MVB12B: variants seen among roughly 807,000 people sequenced by gnomAD.
MVB12B encodes multivesicular body subunit 12B.
A neutral mutation model predicts 41.6 loss-of-function variants in MVB12B; 16 were observed. The ratio of observed to expected loss-of-function variants is 0.38; its 90% CI spans 0.26 to 0.58. The LOEUF (loss-of-function observed/expected upper bound fraction) is 0.58, where lower values mean the gene tolerates loss of function less well. MVB12B is among the 20% of genes least tolerant of loss of function. The pLI, the probability that MVB12B is intolerant of heterozygous loss-of-function variation, is 0.62. For synonymous variants in MVB12B, 133 were observed against 139.7 expected (o/e 0.95, Z 0.34); for missense variants, 274 against 380.2 (o/e 0.72, Z 2.32).
intron 6 of MVB12B, among the ~76,000 whole-genome samples, chr9:126,418,308 A>G (rs996765092): frequency 1.3e-5 from 2 of 152,188 alleles, no homozygotes; most frequent in Non-Finnish European, 2.9e-5. Flanking sequence ...TATTGCATGG[A>G]GCAGCTGAAG....
chr9:126,465,402 T>C (rs1198343651), intron 7 of MVB12B, among the ~76,000 whole-genome samples: 1 of 151,818 alleles, frequency 6.6e-6, no homozygotes, highest in Non-Finnish European at 1.5e-5. Flanking sequence ...GGGTTGGGGG[T>C]GGCAGGCAGC....
chr9:126,447,427 A>G (rs542568808), intron 7 of MVB12B, among the ~76,000 whole-genome samples: 11 of 152,066 alleles, frequency 7.2e-5, no homozygotes, highest in African/African-American at 2.6e-4. Flanking sequence ...ATATTTATTT[A>G]TAAATACATA....
In MVB12B at chr9:126,503,433, CCTCA is replaced by C. The variant is rs762631224; in HGVS notation, c.*173_*176del. ...GTGGGCGCATCCTGTCTTCAGCTGG[CCTCA>C]CTGACACCCCGGCCTCCCTGGGGAC... On this transcript the variant is annotated 3_prime_UTR_variant, in exon 10 of 10. Coordinates refer to ENST00000361171, the MANE Select transcript of MVB12B (RefSeq NM_033446.3). 14 of 612,328 alleles carry C rather than the reference CCTCA, an allele frequency of 2.3e-5. No individual in the cohort carries two copies. Among genetic ancestry groups the C allele is most frequent in the African/African-American group, 3.7e-5 (2 of 54,066 alleles). 37.9% of individuals were successfully genotyped at this position (612,328 alleles called of 1,614,324 possible). A position where few individuals can be genotyped will look rare whatever the true frequency, so the allele number is the denominator to read the frequency against.
rs191708970 is a variant in MVB12B at position 126,480,222 on chromosome 9, C to T, written c.758-1147C>T. Reference sequence around the variant, plus strand: ...GACTTCGGGGCTCCGCGTCCCTGCACTCATGACCAGGCCCCTAACAACTGC... The same window carrying T: ...GACTTCGGGGCTCCGCGTCCCTGCATTCATGACCAGGCCCCTAACAACTGC... On this transcript the variant is annotated intron_variant, in intron 7 of 9. Transcript: ENST00000361171. The surrounding 1 kb of genome is among the most constrained non-coding windows in gnomAD (Gnocchi z 4.9). Among the ~76,000 whole-genome samples the T allele has an allele frequency of 2.0e-5, 3 of 152,350 alleles. No individual in the cohort carries two copies. The highest frequency in any genetic ancestry group is 1.9e-4 in the East Asian group (1 of 5,180).
At chr9:126,439,511 G>A (rs372342179) in intron 7 of MVB12B, among the ~76,000 whole-genome samples, 1 of 152,310 alleles carries the variant, frequency 6.6e-6, no homozygotes, top group East Asian at 1.9e-4. Flanking sequence ...CTCTGGTCTT[G>A]AAGGACATTT....
chr9:126,440,732 G>A (rs1451294538), intron 7 of MVB12B, among the ~76,000 whole-genome samples: 1 of 151,998 alleles, frequency 6.6e-6, no homozygotes, highest in Admixed American at 6.6e-5. Flanking sequence ...GGAAAAAAAA[G>A]AACCAGTGAG....
At chr9:126,455,312 C>A (rs1302531997) in intron 7 of MVB12B, among the ~76,000 whole-genome samples, 1 of 151,546 alleles carries the variant, frequency 6.6e-6, no homozygotes, top group African/African-American at 2.4e-5. Context: ...CTCAGCCTCC[C>A]GAGTAGATGG....
At chr9:126,455,887 C>CTTTTTTTTTT (rs3983803) in intron 7 of MVB12B, among the ~76,000 whole-genome samples, 15 of 103,034 alleles carry the variant, frequency 1.5e-4, no homozygotes, top group African/African-American at 3.2e-4. Flanking sequence ...TTCTTTCTTT[C>CTTTTTTTTTT]TTTTTTTTTT....
intron 2 of MVB12B, among the ~76,000 whole-genome samples, chr9:126,346,423 T>G (rs1045610772): frequency 6.6e-6 from 1 of 151,988 alleles, no homozygotes; most frequent in Non-Finnish European, 1.5e-5. Flanking sequence ...CAGGATGTCT[T>G]GCTGGCCATG....
At chr9:126,465,357 G>A (rs1296173556) in intron 7 of MVB12B, among the ~76,000 whole-genome samples, 12 of 152,128 alleles carry the variant, frequency 7.9e-5, no homozygotes, top group Admixed American at 5.2e-4. Context: ...GATCCCCAGA[G>A]CCCACCCCTC....
At chr9:126,456,413 TTTA>T (rs1832986699) in intron 7 of MVB12B, among the ~76,000 whole-genome samples, 1 of 152,250 alleles carries the variant, frequency 6.6e-6, no homozygotes. Context: ...CATAAAGTTA[TTTA>T]AATAAATTTT....
At chr9:126,373,816 A>G (rs1018086088) in intron 2 of MVB12B, among the ~76,000 whole-genome samples, 3 of 152,290 alleles carry the variant, frequency 2.0e-5, no homozygotes, top group African/African-American at 4.8e-5. Context: ...TATTTTTCTT[A>G]TAAAAGCTAT....
intron 9 of MVB12B, among the ~76,000 whole-genome samples, chr9:126,496,240 CTTACCCAACCATCCAT>C (rs1833831424): frequency 7.5e-6 from 1 of 133,848 alleles, no homozygotes; most frequent in Admixed American, 7.4e-5. Context: ...CATACACCCA[CTTACCCAACCATCCAT>C]CCACCTACCC....
chr9:126,342,932 G>A (rs1829488279), intron 2 of MVB12B, among the ~76,000 whole-genome samples: 1 of 152,198 alleles, frequency 6.6e-6, no homozygotes, highest in Non-Finnish European at 1.5e-5. Flanking sequence ...CTCTCTGTCT[G>A]TTGTAGCTGC....
rs995331926 is a variant in MVB12B, at chr9:126,376,608, C to A, written c.205-4456C>A. ...CTCAGTGTCCAGTGTTCAGGGGAGG[C>A]GGCTGGAAGCAAGAAGGAGGGTAAG... On this transcript the variant is annotated intron_variant, in intron 2 of 9. Transcript: ENST00000361171. The surrounding 1 kb of genome is among the most constrained non-coding windows in gnomAD (Gnocchi z 4.1). The A allele has an allele frequency of 1.4e-4, 185 of 1,289,266 alleles. No individual in the cohort carries two copies. Among genetic ancestry groups the A allele is most frequent in the Admixed American group, 5.7e-4 (25 of 43,552 alleles). The allele number at this position is 1,289,266 out of a possible 1,614,324, so 79.9% of individuals were successfully genotyped here. A position where few individuals can be genotyped will look rare whatever the true frequency, so the allele number is the denominator to read the frequency against.
chr9:126,360,687 G>T (rs1830006537), intron 2 of MVB12B, among the ~76,000 whole-genome samples: 2 of 152,172 alleles, frequency 1.3e-5, no homozygotes, highest in Admixed American at 1.3e-4. Context: ...TAAAATCTCT[G>T]ACTATAATTG....
At chr9:126,471,778 G>C (rs1264127775) in intron 7 of MVB12B, among the ~76,000 whole-genome samples, 1 of 152,110 alleles carries the variant, frequency 6.6e-6, no homozygotes, top group African/African-American at 2.4e-5. Context: ...TCCAAGCCCC[G>C]GGCAGGTACA....
chr9:126,432,893 G>A (rs1832365991), intron 7 of MVB12B, among the ~76,000 whole-genome samples: 1 of 152,162 alleles, frequency 6.6e-6, no homozygotes, highest in Non-Finnish European at 1.5e-5. Flanking sequence ...GGACTAACTT[G>A]GTGTACTGGG....
At chr9:126,415,177 C>T (rs538805551) in intron 6 of MVB12B, among the ~76,000 whole-genome samples, 2 of 152,304 alleles carry the variant, frequency 1.3e-5, no homozygotes, top group Non-Finnish European at 1.5e-5. Context: ...GGTACAGGGT[C>T]GTGATCGGGG....
Sources: allele counts gnomAD v4.1 joint callset (sites outside exome capture counted in the v4.1 genomes callset), GRCh38; gene constraint gnomAD v4.1.1; non-coding constraint Gnocchi (gnomAD v3.1); transcripts MANE v1.5; gene names NCBI Gene and HGNC (gene_info 2026-07-23, HGNC 2026-07-21).